Variants in HLTF observed in about 807,000 individuals in gnomAD.
HLTF encodes the protein DNA-dependent ATPase/E3 ubiquitin-protein ligase HLTF.
Under a neutral mutation model 129.4 loss-of-function variants are expected in HLTF, and 127 were observed. The ratio of observed to expected loss-of-function variants is 0.98; its 90% CI spans 0.85 to 1.14. The LOEUF (loss-of-function observed/expected upper bound fraction) is 1.14. Ranked by LOEUF, HLTF falls within the 50% of genes most tolerant of loss-of-function variation. HLTF has a pLI of 0.00. For synonymous variants in HLTF, 332 were observed against 388.8 expected (o/e 0.85, Z 1.72); for missense variants, 1,139 against 1,187.1 (o/e 0.96, Z 0.60).
At chr3:149,068,057 T>C (rs1057486426) in intron 8 of HLTF, among the ~76,000 whole-genome samples, 183 bp downstream of exon 8, 4 of 152,134 alleles carry the variant, frequency 2.6e-5, no homozygotes, top group Non-Finnish European at 5.9e-5. Flanking sequence ...CCACACCTTG[T>C]CTGAAAACGT....
chr3:149,071,751 G>T, intron 5 of HLTF, 94 bp from the exon 6 acceptor site: 2 of 835,516 alleles, frequency 2.4e-6, no homozygotes, highest in Non-Finnish European at 3.8e-6. Flanking sequence ...ATTAACTGGC[G>T]TTAATGTCAA....
At chr3:149,084,218 C>T (rs2108079674) in intron 2 of HLTF, among the ~76,000 whole-genome samples, 1 of 152,206 alleles carries the variant, frequency 6.6e-6, no homozygotes, top group Non-Finnish European at 1.5e-5. Flanking sequence ...CAATTTGAAA[C>T]GTTCCAATGT....
At chr3:149,032,472 G>T (rs902575680) in intron 24 of HLTF, 100 bp from the exon 25 acceptor site, 2 of 682,624 alleles carry the variant, frequency 2.9e-6, no homozygotes, top group Non-Finnish European at 4.5e-6. Context: ...GGCAAAAACC[G>T]CAATTACTTT....
At chr3:149,042,383 T>C in intron 18 of HLTF, 93 bp from the exon 19 acceptor site, 1 of 1,078,050 alleles carries the variant, frequency 9.3e-7, no homozygotes, top group South Asian at 1.7e-5. Flanking sequence ...TTTTCTTTTC[T>C]TCTCTAGAAA....
At chr3:149,070,860 C>T (rs973661484) in intron 7 of HLTF, among the ~76,000 whole-genome samples, 1 of 152,034 alleles carries the variant, frequency 6.6e-6, no homozygotes, top group African/African-American at 2.4e-5. Context: ...GCCTGGCCAA[C>T]GTGGTAAAAC....
intron 2 of HLTF, among the ~76,000 whole-genome samples, chr3:149,076,885 T>C (rs575341473): frequency 9.2e-5 from 14 of 152,270 alleles, no homozygotes; most frequent in African/African-American, 2.9e-4. Context: ...CTGGGTAACA[T>C]TTATTCAAGA....
intron 3 of HLTF, among the ~76,000 whole-genome samples, chr3:149,074,931 G>A (rs1719215816): frequency 6.6e-6 from 1 of 151,964 alleles, no homozygotes; most frequent in African/African-American, 2.4e-5. Flanking sequence ...AAGAGAAAAG[G>A]TAACTGAAAG....
At chr3:149,062,511 T>C (rs186253476) in intron 10 of HLTF, among the ~76,000 whole-genome samples, 50 of 152,254 alleles carry the variant, frequency 3.3e-4, no homozygotes, top group Non-Finnish European at 6.5e-4. Flanking sequence ...CGATGACTTG[T>C]GTAGATACTG....
intron 13 of HLTF, among the ~76,000 whole-genome samples, chr3:149,057,153 C>A (rs1317409551): frequency 7.3e-6 from 1 of 137,046 alleles, no homozygotes; most frequent in South Asian, 2.3e-4. Context: ...ATGGGCCAGG[C>A]ATGGTGGCTC....
rs79808266 is a variant in HLTF at position 149,074,267 on chromosome 3, C to A, written c.477G>T (p.Ala159=). 2.5e-6 allele frequency: 4 copies of A among 1,613,514 alleles called. No individual in the cohort carries two copies. The highest frequency in any genetic ancestry group is 3.4e-6 in the Non-Finnish European group (4 of 1,179,746). Residue 159 remains alanine, a synonymous_variant, in exon 4 of 25, where the codon GCG becomes GCT. Coordinates refer to ENST00000310053, the MANE Select transcript of HLTF (RefSeq NM_003071.4). ...TFWGKEENRK[A]VSDQLKKHGF... ...CATGTTTCTTCAACTGATCTGAAAC[C>A]GCTTTTCTATTTTCTTCTTTTCCCC...
chr3:149,069,913 G>A (rs1247269647), intron 7 of HLTF, among the ~76,000 whole-genome samples: 9 of 152,172 alleles, frequency 5.9e-5, no homozygotes, highest in African/African-American at 2.2e-4. Flanking sequence ...AATAACATCA[G>A]TGGTAATATT....
At position 149,039,140 on chromosome 3, in the gene HLTF, G is replaced by C. The variant is rs1715898302; in HGVS notation, c.2705C>G (p.Ala902Gly). 1 of 1,612,046 alleles carries C rather than the reference G, an allele frequency of 6.2e-7. No individual in the cohort carries two copies. The highest frequency in any genetic ancestry group is 1.3e-5 in the African/African-American group (1 of 74,924). The stretch of plus-strand genomic sequence containing the variant: ...CAGAAGCATTATAGTTGGAGATCCT[G>C]CTTCAGTGTTTTGAAAACACTGAAT... ...ESIQCFQNTEAGSPTIMLLSL... is the reference protein window; with the variant it reads ...ESIQCFQNTEGGSPTIMLLSL... The change falls in exon 23 of 25, where the codon GCA becomes GGA. Residue 902 changes from alanine (A) to glycine (G), a missense_variant. Ala to Gly is a moderately conservative substitution (Grantham distance 60). Coordinates refer to ENST00000310053, the MANE Select transcript of HLTF (RefSeq NM_003071.4).
At chr3:149,048,586 GACTAGAGTGTCTACTCCATTTCC>G (rs1340199942) in intron 16 of HLTF, among the ~76,000 whole-genome samples, 4 of 152,172 alleles carry the variant, frequency 2.6e-5, no homozygotes, top group Admixed American at 1.3e-4. Flanking sequence ...ATGACTGGAT[GACTAGAGTGTCTACTCCATTTCC>G]ACTAGAGTGT....
chr3:149,062,881 G>A (rs960569568), intron 10 of HLTF, among the ~76,000 whole-genome samples: 4 of 152,152 alleles, frequency 2.6e-5, no homozygotes, highest in Non-Finnish European at 4.4e-5. Context: ...GTAGAAAGAT[G>A]AGTGATTATT....
chr3:149,059,735 T>G lies in HLTF; in HGVS notation c.1358A>C (p.Lys453Thr), dbSNP rs775745147. ...ALTSSVPTTK[K>T]KMLKKGACAV... ...TTACTGACCCTTTTTCAACATTTTC[T>G]TTTTTGTTGTAGGAACAGATGAAGT... The change falls in exon 13 of 25, where the codon AAG (lysine) becomes ACG (threonine). Residue 453 changes from lysine to threonine, a missense_variant. Coordinates refer to ENST00000310053, the MANE Select transcript of HLTF (RefSeq NM_003071.4). The G allele has an allele frequency of 2.5e-6, 4 of 1,593,886 alleles. No individual in the cohort carries two copies. The highest frequency in any genetic ancestry group is 1.8e-5 in the Admixed American group (1 of 56,904).
intron 3 of HLTF, among the ~76,000 whole-genome samples, chr3:149,075,411 T>C (rs1179342072): frequency 6.6e-6 from 1 of 152,174 alleles, no homozygotes; most frequent in Non-Finnish European, 1.5e-5. Flanking sequence ...TAATTGGGCA[T>C]GGTGGCAGGC....
At chr3:149,046,042 CA>C in intron 18 of HLTF, 37 bp downstream of exon 18, 1 of 1,515,024 alleles carries the variant, frequency 6.6e-7, no homozygotes, top group Non-Finnish European at 9.0e-7. Context: ...ACAAAGTAAA[CA>C]AAAACTAATT....
chr3:149,082,047 T>C (rs1719913625), intron 2 of HLTF, among the ~76,000 whole-genome samples: 1 of 152,120 alleles, frequency 6.6e-6, no homozygotes, highest in African/African-American at 2.4e-5. Flanking sequence ...CTAACCAAAA[T>C]AGACCAAAGA....
At position 149,040,091 on chromosome 3, in the gene HLTF, T is replaced by C. The variant is rs758881607; in HGVS notation, c.2442A>G (p.Pro814=). The C allele has an allele frequency of 6.2e-7, 1 of 1,610,918 alleles. No homozygotes were observed. The highest frequency in any genetic ancestry group is 1.1e-5 in the South Asian group (1 of 90,862). The change falls in exon 21 of 25, where the codon CCA becomes CCG. Residue 814 remains proline, a synonymous_variant. Transcript: ENST00000310053. ...IHEDNLLECP[P]EELARDSEKK... ...TCTCACTGTCACGTGCTAATTCTTC[T>C]GGAGGACATTCTAATAAATTATCTT... is the stretch of plus-strand genomic sequence containing the variant.
Sources: gnomAD v4.1 joint callset for allele counts (sites outside exome capture counted in the v4.1 genomes callset) on GRCh38, gnomAD v4.1.1 for gene constraint, MANE v1.5 for transcripts, NCBI Gene and HGNC (gene_info 2026-07-23, HGNC 2026-07-21) for gene names.